Variants in TAFA2 observed in about 807,000 individuals in gnomAD.
TAFA2 encodes chemokine-like protein TAFA-2.
TAFA2 carries 7 observed loss-of-function variants against 18.8 expected under a neutral mutation model. The observed-to-expected ratio is 0.37, with a 90% CI of 0.21 to 0.70. The LOEUF (loss-of-function observed/expected upper bound fraction) is 0.70. Ranked by LOEUF, TAFA2 falls within the 30% of genes least tolerant of loss-of-function variation. TAFA2 has a pLI of 0.53. For synonymous variants in TAFA2, 60 were observed against 54.2 expected (o/e 1.11, Z -0.47); for missense variants, 122 against 158.1 (o/e 0.77, Z 1.23).
rs150514853 is a variant in TAFA2 at position 61,967,901 on chromosome 12, G to A, written c.-1-100475C>T. Among the ~76,000 whole-genome samples, 139 of 151,924 alleles carry A rather than the reference G, an allele frequency of 9.1e-4. 3 individuals carry two copies. In the East Asian group the frequency reaches 0.024, roughly 26 times the overall value. ...CAGATAGGACAGACACACAAGCAAG[G>A]AAGCACATAAGCAGGTCTGCAGTCC... On this transcript the variant is annotated intron_variant, in intron 1 of 4. Transcript: ENST00000416284.
At chr12:61,805,778 A>C (rs926353247) in intron 2 of TAFA2, among the ~76,000 whole-genome samples, 1 of 152,200 alleles carries the variant, frequency 6.6e-6, no homozygotes, top group Admixed American at 6.5e-5. Flanking sequence ...ACTGGAACTC[A>C]CTAATACATC....
chr12:61,835,528 T>A (rs971979821), intron 2 of TAFA2, among the ~76,000 whole-genome samples: 1 of 151,976 alleles, frequency 6.6e-6, no homozygotes, highest in Non-Finnish European at 1.5e-5. Context: ...AATTTTAACA[T>A]TTGGGAAGAC....
intron 1 of TAFA2, among the ~76,000 whole-genome samples, chr12:61,973,654 G>A (rs1267491259): frequency 1.3e-5 from 2 of 151,622 alleles, no homozygotes; most frequent in African/African-American, 2.4e-5. Context: ...TGAGTCCAAT[G>A]TCCATACAAG....
intron 4 of TAFA2, among the ~76,000 whole-genome samples, chr12:61,712,232 A>G (rs1869444931): frequency 6.6e-6 from 1 of 152,104 alleles, no homozygotes; most frequent in Non-Finnish European, 1.5e-5. Context: ...CGTCCTCTTG[A>G]TCCACTTCAA....
At chr12:61,874,762 C>G (rs1335380684) in intron 1 of TAFA2, among the ~76,000 whole-genome samples, 1 of 152,084 alleles carries the variant, frequency 6.6e-6, no homozygotes, top group Non-Finnish European at 1.5e-5. Flanking sequence ...AAAAATAAAG[C>G]AATCATTTAC....
chr12:61,955,866 A>G (rs1389336032), intron 1 of TAFA2, among the ~76,000 whole-genome samples: 4 of 151,542 alleles, frequency 2.6e-5, no homozygotes, highest in Non-Finnish European at 5.9e-5. Context: ...TTTTATTTGT[A>G]ACAATTTTTG....
intron 1 of TAFA2, among the ~76,000 whole-genome samples, chr12:62,000,964 G>A (rs574570689): frequency 6.6e-6 from 1 of 152,296 alleles, no homozygotes; most frequent in East Asian, 1.9e-4. Context: ...AATATTTATA[G>A]AAGTAAAAAG....
chr12:62,184,535 C>T (rs1441725552), intron 1 of TAFA2, among the ~76,000 whole-genome samples: 2 of 132,202 alleles, frequency 1.5e-5, no homozygotes, highest in African/African-American at 2.9e-5. Flanking sequence ...CACTCTGTCA[C>T]CCAGGCTAGA....
intron 1 of TAFA2, among the ~76,000 whole-genome samples, chr12:62,118,081 T>G (rs11836702): frequency 6.6e-6 from 1 of 152,056 alleles, no homozygotes; most frequent in African/African-American, 2.4e-5. Context: ...TCACCTCATA[T>G]GACATCCCTC....
intron 1 of TAFA2, among the ~76,000 whole-genome samples, chr12:61,910,097 TGTTTGTGTGTGTG>T (rs1565677888): frequency 1.4e-4 from 13 of 93,862 alleles, no homozygotes; most frequent in African/African-American, 5.0e-4. Flanking sequence ...TGTGTGTGTG[TGTTTGTGTGTGTG>T]TGTGTGTGTG....
At chr12:61,920,291 T>G (rs1441860897) in intron 1 of TAFA2, among the ~76,000 whole-genome samples, 1 of 152,132 alleles carries the variant, frequency 6.6e-6, no homozygotes, top group Non-Finnish European at 1.5e-5. Context: ...AATTAATAGA[T>G]GCAGAAAGAA....
chr12:62,246,635 T>C (rs1236864261), intron 1 of TAFA2, among the ~76,000 whole-genome samples: 1 of 152,224 alleles, frequency 6.6e-6, no homozygotes, highest in African/African-American at 2.4e-5. Context: ...TTTATGTGTT[T>C]TGAGGTCATT....
chr12:61,963,453 T>C (rs1383583927), intron 1 of TAFA2, among the ~76,000 whole-genome samples: 1 of 152,056 alleles, frequency 6.6e-6, no homozygotes, highest in Admixed American at 6.6e-5. Context: ...CCAGTGATGA[T>C]GAGTTCTTTT....
chr12:62,181,182 G>A (rs74095709), intron 1 of TAFA2, among the ~76,000 whole-genome samples: 2,071 of 151,782 alleles, frequency 0.014, 49 homozygotes, highest in African/African-American at 0.048. Context: ...ACACACACGC[G>A]TGTGCACACA....
intron 1 of TAFA2, among the ~76,000 whole-genome samples, chr12:62,218,572 A>C (rs2062746853): frequency 6.6e-6 from 1 of 152,164 alleles, no homozygotes; most frequent in Non-Finnish European, 1.5e-5. Flanking sequence ...AATTTCATTC[A>C]CTCATTTAAT....
At chr12:61,814,364 G>A (rs1871993267) in intron 2 of TAFA2, among the ~76,000 whole-genome samples, 1 of 151,338 alleles carries the variant, frequency 6.6e-6, no homozygotes, top group East Asian at 1.9e-4. Flanking sequence ...ATGATTCAGG[G>A]CCTTGTGAAC....
At chr12:61,933,319 G>C (rs1375590316) in intron 1 of TAFA2, among the ~76,000 whole-genome samples, 1 of 152,114 alleles carries the variant, frequency 6.6e-6, no homozygotes, top group Non-Finnish European at 1.5e-5. Context: ...CCACCTTTAT[G>C]TAATGGATAG....
chr12:61,914,963 G>C (rs139731570), intron 1 of TAFA2, among the ~76,000 whole-genome samples: 1 of 152,090 alleles, frequency 6.6e-6, no homozygotes, highest in Admixed American at 6.5e-5. Context: ...AGGAGTTCAA[G>C]ACCAGGCTGG....
chr12:62,012,358 C>T (rs1043252092), intron 1 of TAFA2, among the ~76,000 whole-genome samples: 4 of 151,198 alleles, frequency 2.6e-5, no homozygotes, highest in African/African-American at 7.3e-5. Flanking sequence ...AGGTGATGTG[C>T]CCTATTGAAG....
Sources: allele counts gnomAD v4.1 joint callset (sites outside exome capture counted in the v4.1 genomes callset), GRCh38; gene constraint gnomAD v4.1.1; transcripts MANE v1.5; gene names NCBI Gene and HGNC (gene_info 2026-07-23, HGNC 2026-07-21).